Variants in PDK1 observed in about 807,000 individuals in gnomAD.
PDK1 encodes the protein pyruvate dehydrogenase kinase 1.
In PDK1, 39 loss-of-function variants were observed where a neutral mutation model predicts 54.2. The observed-to-expected ratio is 0.72, with a 90% CI of 0.56 to 0.94. The LOEUF is 0.94. Among genes scored for constraint, PDK1 ranks in the 40% least tolerant of loss-of-function variants. The pLI is 0.00. For missense variants in PDK1, 552 were observed against 566.0 expected (o/e 0.98, Z 0.25); for synonymous variants, 221 against 207.1 (o/e 1.07, Z -0.58).
chr2:172,560,458 G>A (rs1307907604), intron 2 of PDK1, among the ~76,000 whole-genome samples: 2 of 152,164 alleles, frequency 1.3e-5, no homozygotes, highest in Admixed American at 6.5e-5. Flanking sequence ...ATGAGCCACC[G>A]CACCTGGCAG....
In PDK1 at chr2:172,604,728, A is replaced by G. The variant is rs961117864; in HGVS notation, c.*8759A>G. The G allele has an allele frequency of 6.6e-6, 1 of 152,184 alleles. No individual in the cohort carries two copies. The highest frequency in any genetic ancestry group is 1.5e-5 in the Non-Finnish European group (1 of 68,046). 9.4% of individuals were successfully genotyped at this position (152,184 alleles called of 1,614,324 possible). The stretch of plus-strand genomic sequence containing the variant: ...TTTGCCCTCTTGTCTAGCCCTCTCC[A>G]TTTAGACTTGGAAGGGTCAGCAGTA... On this transcript the variant is annotated 3_prime_UTR_variant, in exon 11 of 11. Transcript: ENST00000282077.
Position 172,573,553 on chromosome 2 carries a change from A to G in PDK1, c.945+2729A>G, listed in dbSNP as rs887231368. Among the ~76,000 whole-genome samples, 7 of 151,428 alleles carry G rather than the reference A, an allele frequency of 4.6e-5. No homozygotes were observed. In the South Asian group the frequency reaches 1.5e-3, roughly 31 times the overall value. ...TATACATATATACATACATATGTGT[A>G]TATATACGCATATATACATATATGT... On this transcript the variant is annotated intron_variant, in intron 8 of 10. Coordinates refer to ENST00000282077, the MANE Select transcript of PDK1 (RefSeq NM_002610.5).
chr2:172,571,823 C>CTTTTTTTTTTTTT (rs36031428), intron 8 of PDK1, among the ~76,000 whole-genome samples: 1 of 99,784 alleles, frequency 1.0e-5, no homozygotes, highest in Non-Finnish European at 2.0e-5. Context: ...TCTTTCTTTA[C>CTTTTTTTTTTTTT]TTTTTTTTTT....
At chr2:172,632,489 A>G in the PDK1 span, among the ~76,000 whole-genome samples, 2 of 152,218 alleles carry the variant, frequency 1.3e-5, no homozygotes, top group East Asian at 1.9e-4. Context: ...CTAATTTGTG[A>G]TGGAAGATCC....
At chr2:172,616,829 T>C in the PDK1 span, among the ~76,000 whole-genome samples, 1 of 152,222 alleles carries the variant, frequency 6.6e-6, no homozygotes, top group Non-Finnish European at 1.5e-5. Context: ...GCATATTTTC[T>C]TTCAGGGTAG....
the PDK1 span, among the ~76,000 whole-genome samples, chr2:172,706,397 A>T: frequency 4.1e-5 from 6 of 147,900 alleles, no homozygotes; most frequent in African/African-American, 7.5e-5. Context: ...TGTCATCCTG[A>T]TCTTGGTGTT....
chr2:172,571,682 AGTAT>A (rs1689266318), intron 8 of PDK1, among the ~76,000 whole-genome samples: 1 of 152,148 alleles, frequency 6.6e-6, no homozygotes. Flanking sequence ...CCAGTTTAAG[AGTAT>A]GATAGTGTTT....
At chr2:172,643,867 C>T in the PDK1 span, among the ~76,000 whole-genome samples, 1 of 152,174 alleles carries the variant, frequency 6.6e-6, no homozygotes, top group African/African-American at 2.4e-5. Context: ...AGTTTAATAG[C>T]TTGATTTATA....
the PDK1 span, among the ~76,000 whole-genome samples, chr2:172,696,307 A>G: frequency 6.6e-6 from 1 of 152,192 alleles, no homozygotes; most frequent in Non-Finnish European, 1.5e-5. Flanking sequence ...CAGCTAAGCT[A>G]TGCCTGAACT....
the PDK1 span, among the ~76,000 whole-genome samples, chr2:172,629,194 A>G: frequency 6.6e-6 from 1 of 152,184 alleles, no homozygotes; most frequent in Non-Finnish European, 1.5e-5. Context: ...AGGCAGGGAA[A>G]TACTGGGTAG....
At chr2:172,627,450 C>T in the PDK1 span, among the ~76,000 whole-genome samples, 909 of 152,258 alleles carry the variant, frequency 6.0e-3, 12 homozygotes, top group African/African-American at 0.021. Context: ...ATAAAAGAGA[C>T]AGCAGAACAC....
rs1313135086 is a variant in PDK1, at chr2:172,568,747, C to T, written c.776C>T (p.Ser259Leu). 2 of 1,601,880 alleles carry T rather than the reference C, an allele frequency of 1.2e-6. No individual in the cohort carries two copies. Among genetic ancestry groups the T allele is most frequent in the Admixed American group, 1.7e-5 (1 of 59,978 alleles). The change falls in exon 7 of 11, where the codon TCA (serine) becomes TTA (leucine). Residue 259 changes from serine to leucine, a missense_variant. By Grantham distance (145) the Ser-to-Leu change is moderately radical. Transcript: ENST00000282077. ...TTTCTCTTCTGCTCTGTAGCAAAATCACCAGGACAGCCAATACAAGTGGTT... is the reference window on the plus strand; with the variant it reads ...TTTCTCTTCTGCTCTGTAGCAAAATTACCAGGACAGCCAATACAAGTGGTT... The part of the protein sequence containing the change: ...ELELEELNAK[S>L]PGQPIQVVYV...
Position 172,562,289 on chromosome 2 carries a change from T to C in PDK1, c.408T>C (p.Tyr136=). The change falls in exon 3 of 11, where the codon TAT becomes TAC. Residue 136 remains tyrosine (Y), a splice_region_variant and synonymous_variant. Transcript: ENST00000282077. ...GTGCTGAGGATGCTAAAGCTATTTA[T>C]GAGTAAGTTCACTATTTTGACCCTA... ...DKSAEDAKAI[Y]DFTDTVIRIR... The C allele has an allele frequency of 6.3e-7, 1 of 1,579,952 alleles. No homozygotes were observed.
At chr2:172,638,482 T>C in the PDK1 span, among the ~76,000 whole-genome samples, 1 of 152,250 alleles carries the variant, frequency 6.6e-6, no homozygotes, top group African/African-American at 2.4e-5. Context: ...ATTATTTCTT[T>C]GGTGGAATCA....
chr2:172,663,173 G>A, the PDK1 span, among the ~76,000 whole-genome samples: 1 of 152,164 alleles, frequency 6.6e-6, no homozygotes, highest in Non-Finnish European at 1.5e-5. Flanking sequence ...GGTTTCTTCT[G>A]TCCTGGACTT....
chr2:172,588,070 T>C (rs1238230810), intron 9 of PDK1, among the ~76,000 whole-genome samples: 1 of 152,254 alleles, frequency 6.6e-6, no homozygotes, highest in Non-Finnish European at 1.5e-5. Flanking sequence ...ACAAATGCTA[T>C]GGCTGCAGCT....
the PDK1 span, among the ~76,000 whole-genome samples, chr2:172,664,799 T>A: frequency 6.6e-6 from 1 of 152,038 alleles, no homozygotes; most frequent in Non-Finnish European, 1.5e-5. Flanking sequence ...TAACTTTTAA[T>A]TTGAGTCTAT....
chr2:172,672,776 T>C, the PDK1 span, among the ~76,000 whole-genome samples: 1 of 152,258 alleles, frequency 6.6e-6, no homozygotes, highest in African/African-American at 2.4e-5. Flanking sequence ...TTTTATGTGG[T>C]AAATCCACTG....
the PDK1 span, among the ~76,000 whole-genome samples, chr2:172,623,901 C>T: frequency 2.0e-5 from 3 of 152,224 alleles, no homozygotes; most frequent in Admixed American, 6.5e-5. Context: ...TTCTACCCTT[C>T]AGTTCTGCTA....
Sources: allele counts gnomAD v4.1 joint callset (sites outside exome capture counted in the v4.1 genomes callset), GRCh38; gene constraint gnomAD v4.1.1; transcripts MANE v1.5; gene names NCBI Gene and HGNC (gene_info 2026-07-23, HGNC 2026-07-21).